The following SNW1 variants were observed in gnomAD, a reference collection of about 807,000 sequenced individuals.
SNW1 encodes the protein SNW domain containing 1, also known as SNW domain-containing protein 1.
In SNW1, 9 loss-of-function variants were observed where a neutral mutation model predicts 75.6. That is an observed-to-expected ratio of 0.12 (90% CI 0.07 to 0.21). The LOEUF (loss-of-function observed/expected upper bound fraction) is 0.21. Ranked by LOEUF, SNW1 falls within the 10% of genes least tolerant of loss-of-function variation. The probability of loss-of-function intolerance (pLI) is 1.00; values close to 1 mark genes in which losing one functional copy is unlikely to be tolerated. For missense variants in SNW1, 409 were observed against 670.9 expected (o/e 0.61, Z 4.31); for synonymous variants, 200 against 219.1 (o/e 0.91, Z 0.77).
intron 12 of SNW1, chr14:77,720,484 T>C (rs1200848007): frequency 4.3e-6 from 3 of 704,098 alleles, no homozygotes; most frequent in Non-Finnish European, 7.8e-6. Context: ...CAACACCAAG[T>C]TTTTAATCAC....
chr14:77,725,624 A>C (rs2080578825), intron 10 of SNW1, among the ~76,000 whole-genome samples: 1 of 152,230 alleles, frequency 6.6e-6, no homozygotes, highest in Non-Finnish European at 1.5e-5. Context: ...TCAGCGTTAA[A>C]AATCCACGCA....
In SNW1 at chr14:77,717,795, CCA is replaced by C. The variant is rs756797314; in HGVS notation, c.*291_*292del. Reference sequence around the variant, plus strand: ...GCTGTTCTTACACAAAACATTAACCCCAAACTACTAGTGTCACATAAAAGTAA... The same window carrying C: ...GCTGTTCTTACACAAAACATTAACCCAACTACTAGTGTCACATAAAAGTAA... On this transcript the variant is annotated 3_prime_UTR_variant, in exon 14 of 14. Coordinates refer to ENST00000261531, the MANE Select transcript of SNW1 (RefSeq NM_012245.3). 3.7e-5 allele frequency: 22 copies of C among 588,224 alleles called. No homozygotes were observed. Among genetic ancestry groups the C allele is most frequent in the Non-Finnish European group, 6.3e-5 (21 of 334,600 alleles). 36.4% of individuals were successfully genotyped at this position (588,224 alleles called of 1,614,324 possible).
Position 77,742,676 on chromosome 14 carries a change from C to T in SNW1, c.331-3615G>A, listed in dbSNP as rs139215219. On this transcript the variant is annotated intron_variant, in intron 3 of 13. Coordinates refer to ENST00000261531, the MANE Select transcript of SNW1 (RefSeq NM_012245.3). The stretch of plus-strand genomic sequence containing the variant: ...TCATGGGGTCAGTTTAAAGTTGTTA[C>T]GGTTTTTTAGGGGTAATACGTTGAA... Among the ~76,000 whole-genome samples, 490 of 152,010 alleles carry T rather than the reference C, an allele frequency of 3.2e-3. 2 individuals carry two copies. Among genetic ancestry groups the T allele is most frequent in the Non-Finnish European group, 5.4e-3 (365 of 67,946 alleles).
At chr14:77,742,968 G>A (rs1044815080) in intron 3 of SNW1, among the ~76,000 whole-genome samples, 4 of 151,560 alleles carry the variant, frequency 2.6e-5, no homozygotes, top group Non-Finnish European at 5.9e-5. Context: ...GCTCATGCCT[G>A]TAATCCCAGC....
intron 2 of SNW1, 58 bp downstream of exon 2, chr14:77,754,909 T>G: frequency 7.2e-7 from 1 of 1,388,956 alleles, no homozygotes; most frequent in Non-Finnish European, 9.8e-7. Context: ...TATGTTATAG[T>G]GTGCTATAAT....
intron 1 of SNW1, among the ~76,000 whole-genome samples, chr14:77,759,691 C>T (rs576386099): frequency 7.2e-5 from 11 of 152,174 alleles, no homozygotes; most frequent in Admixed American, 7.2e-4. Context: ...TAAACAAACT[C>T]TTGGCTGGGC....
intron 12 of SNW1, among the ~76,000 whole-genome samples, chr14:77,719,954 C>T (rs72685299): frequency 0.028 from 4,261 of 152,296 alleles, 87 homozygotes; most frequent in Non-Finnish European, 0.043. Context: ...CATGCGCCCG[C>T]GTGTGTTTTC....
intron 10 of SNW1, among the ~76,000 whole-genome samples, chr14:77,728,749 AAGC>A (rs1454073154): frequency 1.3e-5 from 2 of 152,180 alleles, no homozygotes; most frequent in African/African-American, 4.8e-5. Flanking sequence ...TTAATACTAT[AAGC>A]CTTAGTTTCC....
chr14:77,720,996 A>G, intron 11 of SNW1, 168 bp from the exon 12 acceptor site: 1 of 597,176 alleles, frequency 1.7e-6, no homozygotes, highest in Non-Finnish European at 3.0e-6. Flanking sequence ...GCCCTTATAA[A>G]GCATTTCAGA....
Position 77,732,652 on chromosome 14 carries a change from C to T in SNW1, c.775-51G>A, listed in dbSNP as rs770026664. The T allele has an allele frequency of 4.1e-6, 4 of 975,256 alleles. No individual in the cohort carries two copies. In the Admixed American group the frequency reaches 5.8e-5, roughly 14 times the overall value. The allele number at this position is 975,256 out of a possible 1,614,324, so 60.4% of individuals were successfully genotyped here. ...CAGTCACAGAAGTGCTTCAATTAAT[C>T]GTCTGAAGTTAAATTAATTTTATTT... is the stretch of plus-strand genomic sequence containing the variant. On this transcript the variant is annotated intron_variant, in intron 8 of 13. Coordinates refer to ENST00000261531, the MANE Select transcript of SNW1 (RefSeq NM_012245.3).
chr14:77,754,736 G>C (rs1594810028), intron 2 of SNW1, among the ~76,000 whole-genome samples: 1 of 152,068 alleles, frequency 6.6e-6, no homozygotes, highest in East Asian at 1.9e-4. Flanking sequence ...GTTTGATATA[G>C]GAATAGACAA....
chr14:77,760,003 G>A (rs761737887), intron 1 of SNW1, among the ~76,000 whole-genome samples: 5 of 152,014 alleles, frequency 3.3e-5, no homozygotes, highest in Non-Finnish European at 5.9e-5. Flanking sequence ...CGAGGGTGGG[G>A]AGAAAACTCT....
rs760035676 is a variant in SNW1, at chr14:77,718,082, C to T, written c.*6G>A. The T allele has an allele frequency of 5.1e-6, 8 of 1,566,026 alleles. No homozygotes were observed. In the East Asian group the frequency reaches 1.6e-4, roughly 31 times the overall value. On this transcript the variant is annotated 3_prime_UTR_variant, in exon 14 of 14. Transcript: ENST00000261531. ...AAGAGTTCATTCACTTTGGAGAGAC[C>T]TGTGCCTATTCCTTCCTCCTCTTCT...
At chr14:77,732,701 G>A (rs1477099388) in intron 8 of SNW1, 100 bp from the exon 9 acceptor site, 2 of 719,442 alleles carry the variant, frequency 2.8e-6, no homozygotes, top group Non-Finnish European at 4.7e-6. Context: ...GTCTTGCTCT[G>A]TCACCCTGGC....
chr14:77,720,381 C>T (rs1000974877), intron 12 of SNW1: 17 of 629,802 alleles, frequency 2.7e-5, no homozygotes, highest in South Asian at 7.5e-5. Flanking sequence ...GTGATCTGCC[C>T]GCTTCGGCCT....
In SNW1 at chr14:77,718,080, A is replaced by T; in HGVS notation, c.*8T>A. On this transcript the variant is annotated 3_prime_UTR_variant, in exon 14 of 14. Coordinates refer to ENST00000261531, the MANE Select transcript of SNW1 (RefSeq NM_012245.3). The stretch of plus-strand genomic sequence containing the variant: ...GTAAGAGTTCATTCACTTTGGAGAG[A>T]CCTGTGCCTATTCCTTCCTCCTCTT... The T allele has an allele frequency of 1.3e-6, 2 of 1,563,308 alleles. No homozygotes were observed. The highest frequency in any genetic ancestry group is 1.7e-6 in the Non-Finnish European group (2 of 1,155,428).
chr14:77,750,795 A>G (rs1019925392), intron 3 of SNW1, among the ~76,000 whole-genome samples: 1 of 152,224 alleles, frequency 6.6e-6, no homozygotes, highest in African/African-American at 2.4e-5. Flanking sequence ...GCCATCCTAA[A>G]TCTGGATAGC....
chr14:77,751,824 ACACACACACACACACACACAC>A (rs1480711628), intron 2 of SNW1, among the ~76,000 whole-genome samples: 66 of 122,050 alleles, frequency 5.4e-4, no homozygotes, highest in African/African-American at 1.4e-3. Context: ...ACACACACAC[ACACACACACACACACACACAC>A]CACACACACA....
intron 2 of SNW1, among the ~76,000 whole-genome samples, chr14:77,753,394 T>C (rs541387737): frequency 6.6e-6 from 1 of 152,320 alleles, no homozygotes; most frequent in African/African-American, 2.4e-5. Flanking sequence ...CTCTATTAGA[T>C]GATGCCAATC....
Sources: allele counts gnomAD v4.1 joint callset (sites outside exome capture counted in the v4.1 genomes callset), GRCh38; gene constraint gnomAD v4.1.1; transcripts MANE v1.5; gene names NCBI Gene and HGNC (gene_info 2026-07-23, HGNC 2026-07-21).